HPCAL1: variants seen among roughly 807,000 people sequenced by gnomAD.
The protein encoded by HPCAL1 is hippocalcin like 1, also known as hippocalcin-like protein 1.
HPCAL1 carries 8 observed loss-of-function variants against 17.1 expected under a neutral mutation model. The observed-to-expected ratio is 0.47, with a 90% confidence interval of 0.27 to 0.84. The LOEUF (loss-of-function observed/expected upper bound fraction) is 0.84, where lower values mean the gene tolerates loss of function less well. HPCAL1 is among the 40% of genes least tolerant of loss of function. The pLI is 0.13. For missense variants in HPCAL1, 165 were observed against 271.1 expected, an observed-to-expected ratio of 0.61 and a Z score of 2.75; for synonymous variants, 112 against 111.4, an observed-to-expected ratio of 1.01 and a Z score of -0.03.
At chr2:10,401,292 C>T (rs945094936) in intron 2 of HPCAL1, among the ~76,000 whole-genome samples, 3 of 152,214 alleles carry the variant, frequency 2.0e-5, no homozygotes, top group African/African-American at 7.2e-5. Context: ...CCAGATTACA[C>T]GTTTTCTCTC....
At chr2:10,346,203 AG>A (rs566700703) in intron 1 of HPCAL1, among the ~76,000 whole-genome samples, 196 of 138,674 alleles carry the variant, frequency 1.4e-3, no homozygotes, top group African/African-American at 5.1e-3. Flanking sequence ...TCCTTCTTTG[AG>A]GGGGGGTGAC....
At position 10,357,780 on chromosome 2, in the gene HPCAL1, G is replaced by GT. The variant is rs150126805; in HGVS notation, c.-110-39054dup. On this transcript the variant is annotated intron_variant, in intron 1 of 4. Coordinates refer to ENST00000307845, the MANE Select transcript of HPCAL1 (RefSeq NM_002149.4). ...TCCATGCATAATCCCATCCCCGACT[G>GT]TAACAACAACAAAACCGTCCTCCTG... Among the ~76,000 whole-genome samples, 520 of 152,020 alleles carry GT rather than the reference G, an allele frequency of 3.4e-3. 9 individuals are homozygous for GT. The highest frequency in any genetic ancestry group is 0.012 in the African/African-American group (499 of 41,408).
chr2:10,342,100 G>T lies in HPCAL1; in HGVS notation c.-111+38923G>T, dbSNP rs1279033088. Among the ~76,000 whole-genome samples, 1 of 152,030 alleles carries T rather than the reference G, an allele frequency of 6.6e-6. No homozygotes were observed. Among genetic ancestry groups the T allele is most frequent in the African/African-American group, 2.4e-5 (1 of 41,358 alleles). On this transcript the variant is annotated intron_variant, in intron 1 of 4. Transcript: ENST00000307845. This position sits in a 1 kb window ranked among gnomAD's most constrained non-coding sequence, Gnocchi z 4.1. ...TGGAAGGATGACTTGAGCCCAGGAG[G>T]TTGAGGCTACAGTGAGCTCTGATTG...
intron 1 of HPCAL1, among the ~76,000 whole-genome samples, chr2:10,356,843 C>T (rs1666191493): frequency 6.6e-6 from 1 of 152,202 alleles, no homozygotes; most frequent in African/African-American, 2.4e-5. Context: ...CCACAGACTC[C>T]TCCCTGCGGG....
At chr2:10,345,029 A>G (rs1342866811) in intron 1 of HPCAL1, among the ~76,000 whole-genome samples, 2 of 104,464 alleles carry the variant, frequency 1.9e-5, no homozygotes, top group African/African-American at 3.8e-5. Context: ...GCCTCTCTCT[A>G]TGTGTCTGTT....
intron 1 of HPCAL1, among the ~76,000 whole-genome samples, chr2:10,366,321 T>C (rs1666849319): frequency 6.6e-6 from 1 of 152,188 alleles, no homozygotes; most frequent in Non-Finnish European, 1.5e-5. Context: ...CTGCAACCTC[T>C]GCCTCCCGGG....
intron 2 of HPCAL1, among the ~76,000 whole-genome samples, chr2:10,413,252 G>A (rs1462266412): frequency 2.6e-5 from 4 of 152,178 alleles, no homozygotes; most frequent in African/African-American, 9.7e-5. Flanking sequence ...CAGCTCAGAG[G>A]CTCCTGGCTG....
chr2:10,337,086 C>T (rs1299382108), intron 1 of HPCAL1, among the ~76,000 whole-genome samples: 1 of 152,078 alleles, frequency 6.6e-6, no homozygotes, highest in African/African-American at 2.4e-5. Flanking sequence ...TCTGCTCAGA[C>T]GTGGGAATGG....
At chr2:10,349,678 G>A (rs1488143947) in intron 1 of HPCAL1, among the ~76,000 whole-genome samples, 2 of 114,116 alleles carry the variant, frequency 1.8e-5, no homozygotes, top group Non-Finnish European at 3.3e-5. Context: ...ACTCCAGCCT[G>A]GGTGACAGAG....
At chr2:10,392,222 G>T (rs1668746540) in intron 1 of HPCAL1, among the ~76,000 whole-genome samples, 1 of 151,244 alleles carries the variant, frequency 6.6e-6, no homozygotes, top group Non-Finnish European at 1.5e-5. Context: ...TATTTATTTA[G>T]TAGCGATGAG....
intron 1 of HPCAL1, among the ~76,000 whole-genome samples, chr2:10,357,796 C>T (rs991555626): frequency 6.6e-6 from 1 of 151,824 alleles, no homozygotes; most frequent in Non-Finnish European, 1.5e-5. Flanking sequence ...ACAACAAAAC[C>T]GTCCTCCTGT....
At chr2:10,369,899 C>G (rs1667103452) in intron 1 of HPCAL1, among the ~76,000 whole-genome samples, 1 of 152,216 alleles carries the variant, frequency 6.6e-6, no homozygotes, top group Admixed American at 6.5e-5. Flanking sequence ...TCCTTGAGAC[C>G]TCCTTACTCC....
chr2:10,333,083 C>A (rs1040612244), intron 1 of HPCAL1, among the ~76,000 whole-genome samples: 2 of 151,718 alleles, frequency 1.3e-5, no homozygotes, highest in South Asian at 4.2e-4. Flanking sequence ...GACGCCTGGA[C>A]GCTGCCACCA....
chr2:10,422,123 G>A (rs984398464), intron 3 of HPCAL1, among the ~76,000 whole-genome samples: 8 of 152,154 alleles, frequency 5.3e-5, no homozygotes, highest in Non-Finnish European at 1.0e-4. Context: ...CTGTCCAAAC[G>A]GGACAGCCCC....
intron 1 of HPCAL1, among the ~76,000 whole-genome samples, chr2:10,348,459 AAAC>A (rs1665609301): frequency 6.6e-6 from 1 of 151,584 alleles, no homozygotes; most frequent in East Asian, 1.9e-4. Context: ...AAAAAACAAA[AAAC>A]AACAACAGAA....
intron 2 of HPCAL1, among the ~76,000 whole-genome samples, chr2:10,410,731 C>T (rs951289732): frequency 6.6e-6 from 1 of 151,984 alleles, no homozygotes; most frequent in Non-Finnish European, 1.5e-5. Context: ...AGATGAAAGA[C>T]TTCCTGAGAA....
chr2:10,398,424 C>A (rs1669200098), intron 2 of HPCAL1, among the ~76,000 whole-genome samples: 1 of 152,216 alleles, frequency 6.6e-6, no homozygotes, highest in Non-Finnish European at 1.5e-5. Context: ...CTCAGCCAGG[C>A]TAAAATTTGG....
intron 1 of HPCAL1, among the ~76,000 whole-genome samples, chr2:10,352,561 G>A (rs1238287046): frequency 1.3e-5 from 2 of 152,232 alleles, no homozygotes; most frequent in Non-Finnish European, 2.9e-5. Flanking sequence ...GCATGCTGGG[G>A]CAAGATCCAG....
At chr2:10,311,900 C>G (rs545851131) in intron 1 of HPCAL1, among the ~76,000 whole-genome samples, 1 of 151,528 alleles carries the variant, frequency 6.6e-6, no homozygotes, top group East Asian at 1.9e-4. Flanking sequence ...TCATTGCTGT[C>G]GCTATCATCA....
Sources: allele counts gnomAD v4.1 joint callset (sites outside exome capture counted in the v4.1 genomes callset), GRCh38; gene constraint gnomAD v4.1.1; non-coding constraint Gnocchi (gnomAD v3.1); transcripts MANE v1.5; gene names NCBI Gene and HGNC (gene_info 2026-07-23, HGNC 2026-07-21).